The following CNTNAP5 variants were observed in gnomAD, a reference collection of about 807,000 sequenced individuals.
CNTNAP5 encodes the protein contactin-associated protein-like 5.
CNTNAP5 carries 72 observed loss-of-function variants against 150.2 expected under a neutral mutation model. The ratio of observed to expected loss-of-function variants is 0.48; its 90% CI spans 0.40 to 0.58. The LOEUF is 0.58. Ranked by LOEUF, CNTNAP5 falls within the 20% of genes least tolerant of loss-of-function variation. The probability of loss-of-function intolerance (pLI) is 0.00; values close to 1 mark genes in which losing one functional copy is unlikely to be tolerated. For synonymous variants in CNTNAP5, 672 were observed against 619.8 expected, an observed-to-expected ratio of 1.08 and a Z score of -1.25; for missense variants, 1,636 against 1,626.2, an observed-to-expected ratio of 1.01 and a Z score of -0.10.
chr2:124,186,119 G>C (rs1372074382), intron 1 of CNTNAP5, among the ~76,000 whole-genome samples: 1 of 152,180 alleles, frequency 6.6e-6, no homozygotes, highest in African/African-American at 2.4e-5. Context: ...GAGTGGGCAT[G>C]AGAATTTGAA....
At chr2:124,538,561 A>AAAAG (rs544582073) in intron 10 of CNTNAP5, among the ~76,000 whole-genome samples, 11 of 151,260 alleles carry the variant, frequency 7.3e-5, no homozygotes, top group Non-Finnish European at 1.2e-4. Flanking sequence ...AGAAAGAAAG[A>AAAAG]AAAGAAAGAA....
At position 124,336,600 on chromosome 2, in the gene CNTNAP5, C is replaced by T. The variant is rs570656909; in HGVS notation, c.382-80843C>T. ...CCATGTGCTCTCATTGCTCAGTTCC[C>T]GCCTATGAGTGAGAACACGCAGTGT... On this transcript the variant is annotated intron_variant, in intron 3 of 23. Transcript: ENST00000682447. Among the ~76,000 whole-genome samples, 5 of 144,650 alleles carry T rather than the reference C, an allele frequency of 3.5e-5. No homozygotes were observed. The East Asian group carries it at 9.3e-4, about 27-fold the overall frequency. 94.9% of individuals were successfully genotyped at this position (144,650 alleles called of 152,430 possible). A position where few individuals can be genotyped will look rare whatever the true frequency, so the allele number is the denominator to read the frequency against.
At chr2:124,677,905 G>T (rs1678981471) in intron 13 of CNTNAP5, among the ~76,000 whole-genome samples, 2 of 151,920 alleles carry the variant, frequency 1.3e-5, no homozygotes, top group South Asian at 4.1e-4. Context: ...AAGCAGAAAG[G>T]TTTATTAAGG....
intron 13 of CNTNAP5, among the ~76,000 whole-genome samples, chr2:124,705,085 A>G (rs2105094265): frequency 1.3e-5 from 2 of 152,086 alleles, no homozygotes; most frequent in East Asian, 3.9e-4. Context: ...ATTATGCAAC[A>G]TATATATAGT....
chr2:124,757,735 G>A (rs751872405), intron 14 of CNTNAP5, among the ~76,000 whole-genome samples: 2 of 152,136 alleles, frequency 1.3e-5, no homozygotes, highest in African/African-American at 2.4e-5. Flanking sequence ...CATGGCCAGG[G>A]AAGGCATCCA....
At chr2:124,687,964 T>C (rs1219968992) in intron 13 of CNTNAP5, among the ~76,000 whole-genome samples, 1 of 152,130 alleles carries the variant, frequency 6.6e-6, no homozygotes, top group East Asian at 1.9e-4. Context: ...AATTCTGAAT[T>C]GATAGTGTTC....
chr2:124,325,409 T>C (rs1689191732), intron 3 of CNTNAP5, among the ~76,000 whole-genome samples: 1 of 152,212 alleles, frequency 6.6e-6, no homozygotes, highest in African/African-American at 2.4e-5. Context: ...GGAATTAAAC[T>C]GGTATCATTA....
intron 2 of CNTNAP5, among the ~76,000 whole-genome samples, chr2:124,235,916 G>A (rs1172278514): frequency 5.3e-5 from 8 of 151,564 alleles, no homozygotes; most frequent in Non-Finnish European, 1.0e-4. Flanking sequence ...CCCACATGGT[G>A]CATGGTGTGT....
chr2:124,097,981 T>A (rs191086902), intron 1 of CNTNAP5, among the ~76,000 whole-genome samples: 89 of 152,242 alleles, frequency 5.8e-4, no homozygotes, highest in African/African-American at 2.1e-3. Context: ...TGGGCCGAGA[T>A]GGCGCCACTG....
At chr2:124,622,185 C>G (rs765139421) in intron 12 of CNTNAP5, among the ~76,000 whole-genome samples, 2 of 151,372 alleles carry the variant, frequency 1.3e-5, no homozygotes, top group Non-Finnish European at 2.9e-5. Context: ...GTGTTCTCAT[C>G]ATTCAGTTCC....
intron 1 of CNTNAP5, among the ~76,000 whole-genome samples, chr2:124,189,044 A>G (rs1324848228): frequency 6.6e-6 from 1 of 152,212 alleles, no homozygotes; most frequent in Non-Finnish European, 1.5e-5. Flanking sequence ...AGACTGAAAT[A>G]AATCAAAATA....
intron 7 of CNTNAP5, among the ~76,000 whole-genome samples, chr2:124,492,698 T>C (rs1694059123): frequency 6.6e-6 from 1 of 152,172 alleles, no homozygotes; most frequent in South Asian, 2.1e-4. Context: ...TTTATTCTTA[T>C]TACTCGAACA....
At chr2:124,291,879 T>C (rs1447546661) in intron 3 of CNTNAP5, among the ~76,000 whole-genome samples, 1 of 152,220 alleles carries the variant, frequency 6.6e-6, no homozygotes, top group Non-Finnish European at 1.5e-5. Context: ...TGGTCTTCTG[T>C]GCTGCTGTTT....
intron 3 of CNTNAP5, among the ~76,000 whole-genome samples, chr2:124,356,678 T>A (rs1187465209): frequency 2.0e-5 from 3 of 152,150 alleles, no homozygotes; most frequent in African/African-American, 7.2e-5. Flanking sequence ...GGTGTATATG[T>A]GCCACATTTT....
At chr2:124,454,585 C>T (rs963063271) in intron 6 of CNTNAP5, among the ~76,000 whole-genome samples, 2 of 152,028 alleles carry the variant, frequency 1.3e-5, no homozygotes, top group Admixed American at 6.6e-5. Context: ...CCAACAACCA[C>T]AGGTATTCTA....
chr2:124,437,550 T>C (rs562799217), intron 5 of CNTNAP5, among the ~76,000 whole-genome samples: 2 of 152,034 alleles, frequency 1.3e-5, no homozygotes, highest in East Asian at 3.9e-4. Flanking sequence ...GAAAATAATA[T>C]AAAAAAAAGA....
At chr2:124,408,522 C>G (rs1004821205) in intron 3 of CNTNAP5, among the ~76,000 whole-genome samples, 1 of 149,336 alleles carries the variant, frequency 6.7e-6, no homozygotes, top group Admixed American at 6.6e-5. Context: ...TCTCCCAGCA[C>G]GCAGCTGGAG....
intron 19 of CNTNAP5, among the ~76,000 whole-genome samples, chr2:124,862,821 G>C (rs1371057816): frequency 1.3e-5 from 2 of 152,224 alleles, no homozygotes; most frequent in Non-Finnish European, 2.9e-5. Flanking sequence ...AAATGAGTTA[G>C]TGGGAGGTTT....
intron 13 of CNTNAP5, among the ~76,000 whole-genome samples, chr2:124,650,774 T>G (rs1678304555): frequency 6.6e-6 from 1 of 152,158 alleles, no homozygotes; most frequent in Non-Finnish European, 1.5e-5. Context: ...ATATCATCAT[T>G]TTCATTAACT....
Sources: gnomAD v4.1 joint callset for allele counts (sites outside exome capture counted in the v4.1 genomes callset) on GRCh38, gnomAD v4.1.1 for gene constraint, MANE v1.5 for transcripts, NCBI Gene and HGNC (gene_info 2026-07-23, HGNC 2026-07-21) for gene names.